Variants in LUZP2 observed in about 807,000 individuals in gnomAD.
LUZP2 encodes leucine zipper protein 2.
Under a neutral mutation model 51.6 loss-of-function variants are expected in LUZP2, and 52 were observed. The ratio of observed to expected loss-of-function variants is 1.01; its 90% CI spans 0.81 to 1.27. LUZP2 has a LOEUF of 1.27. LUZP2 is among the 50% of genes most tolerant of loss of function. The pLI is 0.00. For synonymous variants in LUZP2, 154 were observed against 137.3 expected (o/e 1.12, Z -0.85); for missense variants, 436 against 395.4 (o/e 1.10, Z -0.87).
chr11:24,657,778 C>T (rs1590305661), intron 1 of LUZP2, among the ~76,000 whole-genome samples: 1 of 151,962 alleles, frequency 6.6e-6, no homozygotes, highest in Admixed American at 6.6e-5. Flanking sequence ...TTCTTATACA[C>T]CATTAACAAA....
intron 4 of LUZP2, among the ~76,000 whole-genome samples, chr11:24,742,151 A>T (rs1190166837): frequency 6.7e-6 from 1 of 148,846 alleles, no homozygotes; most frequent in East Asian, 2.0e-4. Context: ...CGAATTGTGC[A>T]CTATAAATAT....
chr11:24,826,069 G>T (rs975621816), intron 5 of LUZP2, among the ~76,000 whole-genome samples: 2 of 149,940 alleles, frequency 1.3e-5, no homozygotes, highest in African/African-American at 4.9e-5. Flanking sequence ...GCTACTACTC[G>T]GGAGGCTGAG....
At chr11:24,653,906 T>G (rs983268833) in intron 1 of LUZP2, among the ~76,000 whole-genome samples, 2 of 152,150 alleles carry the variant, frequency 1.3e-5, no homozygotes, top group African/African-American at 4.8e-5. Flanking sequence ...TTAACAAAAT[T>G]TATTTCAAAA....
intron 1 of LUZP2, among the ~76,000 whole-genome samples, chr11:24,514,591 G>A (rs969449732): frequency 6.6e-6 from 1 of 152,120 alleles, no homozygotes; most frequent in African/African-American, 2.4e-5. Flanking sequence ...GGGTACCATC[G>A]TCATACAGAA....
intron 1 of LUZP2, among the ~76,000 whole-genome samples, chr11:24,563,666 C>T (rs1852127358): frequency 6.6e-6 from 1 of 151,754 alleles, no homozygotes; most frequent in Admixed American, 6.6e-5. Context: ...ATCTCAACCT[C>T]AATTTTAGAG....
intron 1 of LUZP2, among the ~76,000 whole-genome samples, chr11:24,552,194 C>G (rs1851743723): frequency 6.6e-6 from 1 of 151,972 alleles, no homozygotes; most frequent in African/African-American, 2.4e-5. Flanking sequence ...ATCAGCTAAA[C>G]TTACAAAAAC....
At chr11:24,580,988 T>C (rs1049476907) in intron 1 of LUZP2, among the ~76,000 whole-genome samples, 6 of 152,142 alleles carry the variant, frequency 3.9e-5, no homozygotes, top group African/African-American at 1.2e-4. Flanking sequence ...GATGTTTTCC[T>C]AGATTGCATT....
chr11:24,805,666 A>G, intron 5 of LUZP2, among the ~76,000 whole-genome samples: 1 of 152,168 alleles, frequency 6.6e-6, no homozygotes, highest in Non-Finnish European at 1.5e-5. Context: ...ATCTTTGAAA[A>G]TTAGAACCCT....
rs1447990650 is a variant in LUZP2, at chr11:24,532,163, C to A, written c.62+34858C>A. Among the ~76,000 whole-genome samples, 3 of 150,856 alleles carry A rather than the reference C, an allele frequency of 2.0e-5. No individual in the cohort carries two copies. In the East Asian group the frequency reaches 5.8e-4, roughly 29 times the overall value. On this transcript the variant is annotated intron_variant, in intron 1 of 11. Transcript: ENST00000336930. ...CACCATTATTTGTGTACCACCCCTT[C>A]TTCTCCACTGGAATATTTTATACCA...
Position 25,050,978 on chromosome 11 carries a change from C to G in LUZP2, c.858+848C>G, listed in dbSNP as rs12293034. Among the ~76,000 whole-genome samples, 745 of 152,240 alleles carry G rather than the reference C, an allele frequency of 4.9e-3. 7 individuals are homozygous for G. The highest frequency in any genetic ancestry group is 0.017 in the African/African-American group (701 of 41,542). On this transcript the variant is annotated intron_variant, in intron 10 of 11. Coordinates refer to ENST00000336930, the MANE Select transcript of LUZP2 (RefSeq NM_001009909.4). ...CTTTGGCAAAATTGAGCTAATGGAT[C>G]TATTACATTTAGATTTGAGAACAGC...
chr11:24,928,625 G>C (rs1854349573), intron 7 of LUZP2, among the ~76,000 whole-genome samples: 2 of 151,984 alleles, frequency 1.3e-5, no homozygotes, highest in Admixed American at 6.6e-5. Flanking sequence ...GTTGGATTTT[G>C]TTAGCTAGTA....
At chr11:24,754,320 T>C (rs1361130188) in intron 4 of LUZP2, among the ~76,000 whole-genome samples, 1 of 129,118 alleles carries the variant, frequency 7.7e-6, no homozygotes, top group African/African-American at 2.7e-5. Context: ...TTCATCTTAT[T>C]TGTTAATTAT....
chr11:24,824,390 A>AAAAAAAAAAAAAAAAT (rs1304693659), intron 5 of LUZP2, among the ~76,000 whole-genome samples: 1 of 147,580 alleles, frequency 6.8e-6, no homozygotes, highest in African/African-American at 2.5e-5. Context: ...AAAAAAAAAA[A>AAAAAAAAAAAAAAAAT]AAATGAGTGG....
intron 7 of LUZP2, among the ~76,000 whole-genome samples, chr11:24,970,122 T>A (rs947360119): frequency 6.6e-6 from 1 of 152,282 alleles, no homozygotes; most frequent in African/African-American, 2.4e-5. Flanking sequence ...AGGTTTACTA[T>A]CTTTGATAAT....
chr11:24,882,466 A>G (rs1353659525), intron 5 of LUZP2, among the ~76,000 whole-genome samples: 1 of 151,950 alleles, frequency 6.6e-6, no homozygotes, highest in Non-Finnish European at 1.5e-5. Flanking sequence ...CCCAAACCAT[A>G]GTTTACATTA....
chr11:24,923,666 C>T (rs900596458), intron 7 of LUZP2, among the ~76,000 whole-genome samples: 1 of 152,088 alleles, frequency 6.6e-6, no homozygotes, highest in South Asian at 2.1e-4. Context: ...CACTGCACTC[C>T]AGCCTGGCAC....
chr11:24,615,020 A>C (rs1854240973), intron 1 of LUZP2, among the ~76,000 whole-genome samples: 1 of 152,006 alleles, frequency 6.6e-6, no homozygotes, highest in African/African-American at 2.4e-5. Context: ...AAAGGTTGAA[A>C]TTTCAATTTT....
chr11:24,651,906 G>T (rs1432367679), intron 1 of LUZP2, among the ~76,000 whole-genome samples: 1 of 152,098 alleles, frequency 6.6e-6, no homozygotes, highest in Non-Finnish European at 1.5e-5. Flanking sequence ...TCTACCTTGT[G>T]AATTTTGGAT....
Position 24,826,190 on chromosome 11 carries a change from A to AAAAAAAATAT in LUZP2, c.396+62883_396+62884insAAAAAATATA, listed in dbSNP as rs1215786412. Among the ~76,000 whole-genome samples the AAAAAAAATAT allele has an allele frequency of 5.6e-4, 38 of 67,548 alleles. 1 individual carries two copies. Among genetic ancestry groups the AAAAAAAATAT allele is most frequent in the South Asian group, 1.1e-3 (2 of 1,892 alleles). 44.3% of individuals were successfully genotyped at this position (67,548 alleles called of 152,430 possible). ...GACTCCATCTCAAAAAAAAAAAAAA[A>AAAAAAAATAT]ATATATATATATATATATAGTAAAA... is the stretch of plus-strand genomic sequence containing the variant. On this transcript the variant is annotated intron_variant, in intron 5 of 11. Coordinates refer to ENST00000336930, the MANE Select transcript of LUZP2 (RefSeq NM_001009909.4).
Sources: allele counts gnomAD v4.1 joint callset (sites outside exome capture counted in the v4.1 genomes callset), GRCh38; gene constraint gnomAD v4.1.1; transcripts MANE v1.5; gene names NCBI Gene and HGNC (gene_info 2026-07-23, HGNC 2026-07-21).